The following CPHXL variants were observed in gnomAD, a reference collection of about 807,000 sequenced individuals.
CPHXL encodes cytoplasmic polyadenylated homeobox like.
rs973081388 is a variant in CPHXL at position 75,714,602 on chromosome 16, C to T, written c.840G>A (p.Leu280=). Residue 280 remains leucine (L), a synonymous_variant, in exon 3 of 3, where the codon TTG becomes TTA. Transcript: ENST00000640559. ...KESQHASPFL[L]DYAQGAYGVK... ...CCCCATATGCACCTTGAGCGTAATC[C>T]AAAAGGAAAGGACTTGCATGCTGGC... 7.5e-6 allele frequency: 3 copies of T among 398,516 alleles called. No individual in the cohort carries two copies. The highest frequency in any genetic ancestry group is 1.3e-5 in the Non-Finnish European group (3 of 226,086). The allele number at this position is 398,516 out of a possible 1,614,324, so 24.7% of individuals were successfully genotyped here. A position where few individuals can be genotyped will look rare whatever the true frequency, so the allele number is the denominator to read the frequency against.
At chr16:75,716,991 C>A (rs981787302) in intron 2 of CPHXL, among the ~76,000 whole-genome samples, 1 of 152,212 alleles carries the variant, frequency 6.6e-6, no homozygotes, top group African/African-American at 2.4e-5. Context: ...ACACACCTGT[C>A]CCTCCCTAGG....
chr16:75,724,799 C>T (rs1287074956), intron 1 of CPHXL, among the ~76,000 whole-genome samples: 4 of 152,318 alleles, frequency 2.6e-5, no homozygotes, highest in Middle Eastern at 3.4e-3. Flanking sequence ...GATTATAAAT[C>T]ATGCTGCTAT....
chr16:75,714,739 TTCCAGAATGCC>T lies in CPHXL; in HGVS notation c.692_702del (p.Gly231GlufsTer34), dbSNP rs1959365310. On this transcript the variant is annotated frameshift_variant, in exon 3 of 3. Coordinates refer to ENST00000640559, the MANE Select transcript of CPHXL (RefSeq NM_001355613.1). LOFTEE classifies it low-confidence loss of function (END_TRUNC). ...AAATGATAGGCAGTAGAATGCCCAC[TTCCAGAATGCC>T]CACTTCCTGTGTCACCTCCATACCC... The T allele has an allele frequency of 2.5e-6, 1 of 398,544 alleles. No homozygotes were observed. The highest frequency in any genetic ancestry group is 4.4e-6 in the Non-Finnish European group (1 of 226,108). The allele number at this position is 398,544 out of a possible 1,614,324, so 24.7% of individuals were successfully genotyped here.
chr16:75,717,105 G>A (rs1179359355), intron 2 of CPHXL, among the ~76,000 whole-genome samples: 1 of 152,074 alleles, frequency 6.6e-6, no homozygotes, highest in Non-Finnish European at 1.5e-5. Flanking sequence ...CCCACACATA[G>A]TAAACTTTGT....
At chr16:75,723,971 A>G (rs921953759) in intron 1 of CPHXL, among the ~76,000 whole-genome samples, 7 of 152,382 alleles carry the variant, frequency 4.6e-5, no homozygotes, top group Admixed American at 1.3e-4. Context: ...ATAATGCCAC[A>G]TATCTACAAC....
At chr16:75,721,637 C>A (rs1959478380) in intron 1 of CPHXL, among the ~76,000 whole-genome samples, 1 of 152,134 alleles carries the variant, frequency 6.6e-6, no homozygotes, top group African/African-American at 2.4e-5. Context: ...GACTTAGACT[C>A]CCACAGAATA....
At chr16:75,716,952 T>G (rs542954066) in intron 2 of CPHXL, among the ~76,000 whole-genome samples, 2 of 152,366 alleles carry the variant, frequency 1.3e-5, no homozygotes, top group East Asian at 3.9e-4. Flanking sequence ...AAACTTCATG[T>G]GTCCAAAATG....
intron 1 of CPHXL, among the ~76,000 whole-genome samples, chr16:75,724,667 A>C (rs1959528216): frequency 1.3e-5 from 2 of 152,206 alleles, no homozygotes. Flanking sequence ...ACACTTTTAT[A>C]CTGTTGGTGG....
chr16:75,725,172 G>A (rs1171226581), intron 1 of CPHXL, among the ~76,000 whole-genome samples: 3 of 152,136 alleles, frequency 2.0e-5, no homozygotes, highest in East Asian at 1.9e-4. Flanking sequence ...TGTGCCTAAT[G>A]TTAAATGACG....
intron 1 of CPHXL, among the ~76,000 whole-genome samples, chr16:75,719,463 G>A (rs183539208): frequency 1.3e-5 from 2 of 152,282 alleles, no homozygotes; most frequent in African/African-American, 2.4e-5. Context: ...TATATGCTGC[G>A]CCTGGCTCAG....
intron 2 of CPHXL, among the ~76,000 whole-genome samples, chr16:75,717,985 T>C (rs1221888856): frequency 3.9e-5 from 6 of 152,134 alleles, no homozygotes; most frequent in African/African-American, 1.2e-4. Context: ...GACTTTGGGA[T>C]GCTGAGGTGG....
chr16:75,716,127 A>C (rs892715117), intron 2 of CPHXL, among the ~76,000 whole-genome samples: 1 of 152,156 alleles, frequency 6.6e-6, no homozygotes, highest in African/African-American at 2.4e-5. Flanking sequence ...GGAAAAAAAA[A>C]AACATTTTTC....
At chr16:75,718,687 A>G (rs1348957311) in intron 1 of CPHXL, among the ~76,000 whole-genome samples, 4 of 152,298 alleles carry the variant, frequency 2.6e-5, no homozygotes, top group African/African-American at 9.6e-5. Flanking sequence ...TTGTAAATAG[A>G]GTTTTATCGA....
At chr16:75,720,494 A>C (rs1959461688) in intron 1 of CPHXL, among the ~76,000 whole-genome samples, 1 of 152,240 alleles carries the variant, frequency 6.6e-6, no homozygotes, top group South Asian at 2.1e-4. Context: ...ACTGGAAGAA[A>C]GGGCATCAGT....
Position 75,717,450 on chromosome 16 carries a change from G to C in CPHXL, c.219+815C>G, listed in dbSNP as rs557791783. Among the ~76,000 whole-genome samples the C allele has an allele frequency of 2.7e-3, 417 of 152,264 alleles. 3 individuals carry two copies. Among genetic ancestry groups the C allele is most frequent in the South Asian group, 7.5e-3 (36 of 4,832 alleles). ...GCCCTCATATATATAAAACGGTGTA[G>C]TATTTGCATATATACTATGCACATT... On this transcript the variant is annotated intron_variant, in intron 2 of 2. Transcript: ENST00000640559.
At chr16:75,724,668 CTG>C (rs1959528291) in intron 1 of CPHXL, among the ~76,000 whole-genome samples, 1 of 152,200 alleles carries the variant, frequency 6.6e-6, no homozygotes, top group South Asian at 2.1e-4. Context: ...CACTTTTATA[CTG>C]TTGGTGGGAC....
intron 1 of CPHXL, among the ~76,000 whole-genome samples, chr16:75,720,002 T>G (rs796748897): frequency 4.6e-5 from 7 of 152,062 alleles, no homozygotes; most frequent in African/African-American, 1.7e-4. Flanking sequence ...GGGTCTGGAG[T>G]GGACCTCCGG....
chr16:75,724,697 C>T (rs1597223490), intron 1 of CPHXL, among the ~76,000 whole-genome samples: 3 of 152,168 alleles, frequency 2.0e-5, no homozygotes, highest in African/African-American at 7.2e-5. Context: ...GTAGTTCAAC[C>T]ATTGTGGAAG....
intron 2 of CPHXL, among the ~76,000 whole-genome samples, chr16:75,716,504 G>A (rs961920783): frequency 6.6e-6 from 1 of 152,224 alleles, no homozygotes; most frequent in Non-Finnish European, 1.5e-5. Context: ...AAAAGATACA[G>A]ATGAAGAGAT....
Sources: gnomAD v4.1 joint callset for allele counts (sites outside exome capture counted in the v4.1 genomes callset) on GRCh38, gnomAD v4.1.1 for gene constraint, MANE v1.5 for transcripts, NCBI Gene and HGNC (gene_info 2026-07-23, HGNC 2026-07-21) for gene names.